DYRK1A: variants seen among roughly 807,000 people sequenced by gnomAD.
DYRK1A encodes dual specificity tyrosine-phosphorylation-regulated kinase 1A.
DYRK1A carries 9 observed loss-of-function variants against 79.7 expected under a neutral mutation model. The ratio of observed to expected loss-of-function variants is 0.11; its 90% CI spans 0.07 to 0.20. The LOEUF (loss-of-function observed/expected upper bound fraction) is 0.20. Ranked by LOEUF, DYRK1A falls within the 10% of genes least tolerant of loss-of-function variation. The pLI, the probability that DYRK1A is intolerant of heterozygous loss-of-function variation, is 1.00. For synonymous variants in DYRK1A, 349 were observed against 329.7 expected (o/e 1.06, Z -0.63); for missense variants, 622 against 956.0 (o/e 0.65, Z 4.61).
intron 2 of DYRK1A, among the ~76,000 whole-genome samples, chr21:37,441,664 C>G (rs1041004856): frequency 2.0e-5 from 3 of 152,070 alleles, no homozygotes; most frequent in African/African-American, 7.2e-5. Context: ...TAGTATTCTT[C>G]TATTTCTCTA....
intron 6 of DYRK1A, chr21:37,488,529 A>C: frequency 1.0e-6 from 1 of 969,656 alleles, no homozygotes; most frequent in Non-Finnish European, 1.2e-6. Flanking sequence ...GTCTAGTTAA[A>C]AGAAAATTTA....
At chr21:37,457,018 TTACTTACTTACTTAC>T (rs1569339385) in intron 2 of DYRK1A, among the ~76,000 whole-genome samples, 12 of 79,798 alleles carry the variant, frequency 1.5e-4, no homozygotes, top group African/African-American at 5.6e-4. Context: ...GAAAATTTAC[TTACTTACTTACTTAC>T]TTACTTATTT....
chr21:37,476,481 C>T (rs2052396933), intron 3 of DYRK1A, among the ~76,000 whole-genome samples: 1 of 152,140 alleles, frequency 6.6e-6, no homozygotes, highest in Non-Finnish European at 1.5e-5. Context: ...TGTGAAACCT[C>T]ACATTTAGGC....
chr21:37,415,908 C>T (rs2050329082), intron 1 of DYRK1A, among the ~76,000 whole-genome samples: 1 of 152,042 alleles, frequency 6.6e-6, no homozygotes, highest in Admixed American at 6.6e-5. Flanking sequence ...CTAATGAGCT[C>T]TTGTTTTTTC....
In DYRK1A at chr21:37,479,606, G is replaced by GTTT. The variant is rs1183029117; in HGVS notation, c.301-1029_301-1027dup. Among the ~76,000 whole-genome samples, 162 of 27,580 alleles carry GTTT rather than the reference G, an allele frequency of 5.9e-3. 6 individuals are homozygous for GTTT. The highest frequency in any genetic ancestry group is 0.014 in the South Asian group (10 of 724). 18.1% of individuals were successfully genotyped at this position (27,580 alleles called of 152,430 possible). Reference sequence around the variant, plus strand: ...GTGTTGGTGTTTTGTTTTTGTTTTTGTTTTTGTTTTTTGTTTTTTTTTTTT... The same window carrying GTTT: ...GTGTTGGTGTTTTGTTTTTGTTTTTGTTTTTTTTGTTTTTTGTTTTTTTTTTTT... On this transcript the variant is annotated intron_variant, in intron 4 of 11. Coordinates refer to ENST00000647188, the MANE Select transcript of DYRK1A (RefSeq NM_001347721.2).
At chr21:37,415,015 A>G (rs956191372) in intron 1 of DYRK1A, among the ~76,000 whole-genome samples, 1 of 152,114 alleles carries the variant, frequency 6.6e-6, no homozygotes, top group East Asian at 1.9e-4. Flanking sequence ...TCTCCCCTTC[A>G]GTTTTAGAAA....
At chr21:37,444,934 A>G (rs961582182) in intron 2 of DYRK1A, among the ~76,000 whole-genome samples, 1 of 152,166 alleles carries the variant, frequency 6.6e-6, no homozygotes, top group Non-Finnish European at 1.5e-5. Flanking sequence ...ACATATTTGT[A>G]GGAAGAGGGG....
At chr21:37,447,069 A>G (rs2051297074) in intron 2 of DYRK1A, among the ~76,000 whole-genome samples, 1 of 152,144 alleles carries the variant, frequency 6.6e-6, no homozygotes, top group Non-Finnish European at 1.5e-5. Flanking sequence ...GCAGAGCTTT[A>G]TGTGTAATAA....
intron 10 of DYRK1A, 27 bp downstream of exon 10, chr21:37,505,616 C>T: frequency 6.5e-7 from 1 of 1,540,974 alleles, no homozygotes; most frequent in Non-Finnish European, 8.7e-7. Context: ...TTAGATTAGG[C>T]TTGGGAATGT....
At chr21:37,402,417 T>C (rs1048359041) in intron 1 of DYRK1A, among the ~76,000 whole-genome samples, 8 of 152,224 alleles carry the variant, frequency 5.3e-5, no homozygotes, top group African/African-American at 1.9e-4. Context: ...CTTTTAGCAC[T>C]TTAATGGTGT....
At chr21:37,439,696 T>A (rs554576482) in intron 2 of DYRK1A, among the ~76,000 whole-genome samples, 5 of 152,146 alleles carry the variant, frequency 3.3e-5, no homozygotes, top group Non-Finnish European at 7.4e-5. Context: ...GGAAAAACTG[T>A]CCTCCATGAA....
intron 1 of DYRK1A, among the ~76,000 whole-genome samples, chr21:37,368,348 C>T (rs1056440039): frequency 2.6e-5 from 4 of 152,222 alleles, no homozygotes; most frequent in African/African-American, 7.2e-5. Context: ...TTTATAGGCA[C>T]AAACCCACTC....
At chr21:37,478,461 AAG>A (rs1421485375) in intron 4 of DYRK1A, among the ~76,000 whole-genome samples, 161 bp downstream of exon 4, 1 of 152,222 alleles carries the variant, frequency 6.6e-6, no homozygotes, top group Non-Finnish European at 1.5e-5. Context: ...AATTATGTAA[AAG>A]ATATATTAAC....
Position 37,387,996 on chromosome 21 carries a change from T to C in DYRK1A, c.-77+20368T>C, listed in dbSNP as rs558426290. 2.6e-5 allele frequency among the ~76,000 whole-genome samples: 4 copies of C among 152,264 alleles called. No individual in the cohort carries two copies. The East Asian group carries it at 7.7e-4, about 29-fold the overall frequency. On this transcript the variant is annotated intron_variant, in intron 1 of 11. Transcript: ENST00000647188. ...ACTCATCATTCAAATTCAACATGTGTTAACTCATGACCTCTTTATAAATGT... is the reference window on the plus strand; with the variant it reads ...ACTCATCATTCAAATTCAACATGTGCTAACTCATGACCTCTTTATAAATGT...
intron 1 of DYRK1A, among the ~76,000 whole-genome samples, chr21:37,386,690 T>G (rs1375342578): frequency 9.6e-6 from 1 of 104,702 alleles, no homozygotes; most frequent in Non-Finnish European, 2.0e-5. Flanking sequence ...AACTCACAAT[T>G]GGAATTCCAG....
At chr21:37,432,580 A>G (rs73218417) in intron 2 of DYRK1A, among the ~76,000 whole-genome samples, 11,471 of 152,144 alleles carry the variant, frequency 0.075, 642 homozygotes, top group Non-Finnish European at 0.11. Context: ...TCCACTTGAT[A>G]TTTTTCAAAA....
At chr21:37,497,609 C>T (rs948826245) in intron 9 of DYRK1A, among the ~76,000 whole-genome samples, 1 of 152,182 alleles carries the variant, frequency 6.6e-6, no homozygotes, top group Non-Finnish European at 1.5e-5. Context: ...ATACAGGCTG[C>T]TGCTTTCTCC....
intron 1 of DYRK1A, among the ~76,000 whole-genome samples, chr21:37,380,431 GTAGTACAATTTAAAACATCAGTAAA>G (rs1281727493): frequency 6.6e-6 from 1 of 151,290 alleles, no homozygotes; most frequent in African/African-American, 2.4e-5. Flanking sequence ...TTGTGGTTCT[GTAGTACAATTTAAAACATCAGTAAA>G]GCTAGGTAAA....
At chr21:37,406,753 A>ATCTCTATG (rs1248011613) in intron 1 of DYRK1A, among the ~76,000 whole-genome samples, 1 of 147,060 alleles carries the variant, frequency 6.8e-6, no homozygotes, top group East Asian at 2.0e-4. Flanking sequence ...ATATCTCTAT[A>ATCTCTATG]TATCTATATA....
Sources: gnomAD v4.1 joint callset for allele counts (sites outside exome capture counted in the v4.1 genomes callset) on GRCh38, gnomAD v4.1.1 for gene constraint, MANE v1.5 for transcripts, NCBI Gene and HGNC (gene_info 2026-07-23, HGNC 2026-07-21) for gene names.